PSD2: variants seen among roughly 807,000 people sequenced by gnomAD.
The protein encoded by PSD2 is pleckstrin and Sec7 domain containing 2, also known as PH and SEC7 domain-containing protein 2.
A neutral mutation model predicts 69.8 loss-of-function variants in PSD2; 38 were observed. The ratio of observed to expected loss-of-function variants is 0.54; its 90% CI spans 0.42 to 0.71. The LOEUF is 0.71. PSD2 is among the 30% of genes least tolerant of loss of function. The pLI is 0.00. For missense variants in PSD2, 943 were observed against 1,014.5 expected (o/e 0.93, Z 0.96); for synonymous variants, 412 against 423.0 (o/e 0.97, Z 0.32).
the PSD2 span, among the ~76,000 whole-genome samples, chr5:139,776,488 G>A: frequency 2.0e-4 from 30 of 152,274 alleles, 1 homozygote; most frequent in East Asian, 5.4e-3. Flanking sequence ...GTCCAGAAAC[G>A]GCTGGATGAC....
the PSD2 span, among the ~76,000 whole-genome samples, chr5:139,772,042 G>C: frequency 6.6e-6 from 1 of 152,274 alleles, no homozygotes; most frequent in Admixed American, 6.5e-5. Flanking sequence ...GCTCTTAGGG[G>C]ACAATGAGAG....
At chr5:139,752,947 C>T in the PSD2 span, among the ~76,000 whole-genome samples, 1 of 152,156 alleles carries the variant, frequency 6.6e-6, no homozygotes, top group South Asian at 2.1e-4. Flanking sequence ...GCCCCCTACC[C>T]CCCATAAAGC....
At chr5:139,774,132 T>C in the PSD2 span, among the ~76,000 whole-genome samples, 2 of 152,124 alleles carry the variant, frequency 1.3e-5, no homozygotes, top group African/African-American at 4.8e-5. Context: ...GTCTCGTTTT[T>C]TTTTTGATGT....
At chr5:139,792,737 TCTTTTTTC>T (rs1269695129), upstream of PSD2, among the ~76,000 whole-genome samples, 1 of 151,294 alleles carries the variant, frequency 6.6e-6, no homozygotes, top group African/African-American at 2.5e-5. Context: ...TTTCTCTCTT[TCTTTTTTC>T]TTTCTTTCTT....
chr5:139,796,808 G>T (rs908881435), intron 1 of PSD2, among the ~76,000 whole-genome samples: 1 of 152,216 alleles, frequency 6.6e-6, no homozygotes, highest in Non-Finnish European at 1.5e-5. Flanking sequence ...ATCTTGGGGG[G>T]GCCAGGAAGA....
Position 139,800,799 on chromosome 5 carries a change from T to C in PSD2, c.-51+4824T>C, listed in dbSNP as rs533810353. 2.3e-3 allele frequency among the ~76,000 whole-genome samples: 345 copies of C among 152,352 alleles called. 1 individual carries two copies. The highest frequency in any genetic ancestry group is 7.9e-3 in the African/African-American group (329 of 41,580). On this transcript the variant is annotated intron_variant, in intron 1 of 14. Transcript: ENST00000274710. ...CCACTTTTGCAGAGATCCTGGCCTC[T>C]TGTGTCTGCTTGAGAACATCACTCC...
At chr5:139,766,171 T>C in the PSD2 span, among the ~76,000 whole-genome samples, 1 of 152,130 alleles carries the variant, frequency 6.6e-6, no homozygotes, top group African/African-American at 2.4e-5. Flanking sequence ...GATGAAGGAC[T>C]AACAGATGGA....
At chr5:139,821,510 G>A (rs554263316) in intron 5 of PSD2, among the ~76,000 whole-genome samples, 1 of 152,316 alleles carries the variant, frequency 6.6e-6, no homozygotes, top group East Asian at 1.9e-4. Context: ...TGACTGAGGA[G>A]GAGCATTCTG....
chr5:139,831,154 A>T (rs1449235322), intron 7 of PSD2, among the ~76,000 whole-genome samples: 1 of 151,840 alleles, frequency 6.6e-6, no homozygotes, highest in Non-Finnish European at 1.5e-5. Flanking sequence ...TGGCAGATTG[A>T]CCCTTTTATC....
chr5:139,817,743 G>A (rs1042360611), intron 5 of PSD2, among the ~76,000 whole-genome samples, 182 bp downstream of exon 5: 9 of 152,212 alleles, frequency 5.9e-5, no homozygotes, highest in African/African-American at 2.2e-4. Flanking sequence ...TGCCCACTTT[G>A]TAGTAGCTGT....
the PSD2 span, among the ~76,000 whole-genome samples, chr5:139,781,878 C>A: frequency 6.6e-6 from 1 of 152,166 alleles, no homozygotes; most frequent in Admixed American, 6.5e-5. Flanking sequence ...AGGTGATCCG[C>A]CCACCTCGGC....
In PSD2 at chr5:139,837,307, G is replaced by A. The variant is rs1254125295; in HGVS notation, c.1665+69G>A. The A allele has an allele frequency of 1.5e-6, 2 of 1,351,982 alleles. No individual in the cohort carries two copies. The highest frequency in any genetic ancestry group is 3.2e-5 in the African/African-American group (1 of 31,026). The allele number at this position is 1,351,982 out of a possible 1,614,324, so 83.7% of individuals were successfully genotyped here. ...AGTCCCATCCCGCCCTGGCCTTGTGGCACCCCGAAGCCCCAGGCAGGACCT... is the reference window on the plus strand; with the variant it reads ...AGTCCCATCCCGCCCTGGCCTTGTGACACCCCGAAGCCCCAGGCAGGACCT... On this transcript the variant is annotated intron_variant, in intron 11 of 14. Coordinates refer to ENST00000274710, the MANE Select transcript of PSD2 (RefSeq NM_032289.4). This position sits in a 1 kb window ranked among gnomAD's most constrained non-coding sequence, Gnocchi z 5.0.
the PSD2 span, among the ~76,000 whole-genome samples, chr5:139,781,815 G>A: frequency 6.6e-6 from 1 of 151,998 alleles, no homozygotes; most frequent in African/African-American, 2.4e-5. Context: ...TGTATTTTTA[G>A]CAGAGATGGG....
At chr5:139,772,175 G>T in the PSD2 span, among the ~76,000 whole-genome samples, 1 of 152,136 alleles carries the variant, frequency 6.6e-6, no homozygotes, top group Non-Finnish European at 1.5e-5. Context: ...AGGAAAAAGC[G>T]TCCCCAGACT....
At chr5:139,796,205 G>A (rs1444077965) in intron 1 of PSD2, among the ~76,000 whole-genome samples, 1 of 152,216 alleles carries the variant, frequency 6.6e-6, no homozygotes, top group East Asian at 1.9e-4. Flanking sequence ...GCCCGGGCTG[G>A]CCGGGTCTGG....
intron 1 of PSD2, among the ~76,000 whole-genome samples, chr5:139,808,477 G>A (rs1171914761): frequency 6.6e-6 from 1 of 152,206 alleles, no homozygotes; most frequent in African/African-American, 2.4e-5. Context: ...GGCTGGCCTG[G>A]GCAGGCCAGT....
chr5:139,774,352 A>C, the PSD2 span, among the ~76,000 whole-genome samples: 2 of 152,122 alleles, frequency 1.3e-5, no homozygotes, highest in African/African-American at 4.8e-5. Context: ...AGTGCACAGG[A>C]CCTGAAGTGT....
Position 139,795,988 on chromosome 5 carries a change from G to A in PSD2, c.-51+13G>A, listed in dbSNP as rs1759514448. On this transcript the variant is annotated intron_variant, in intron 1 of 14. Transcript: ENST00000274710. This position sits in a 1 kb window ranked among gnomAD's most constrained non-coding sequence, Gnocchi z 4.5. ...GGGACCAGCAGCGGTGAGTGGGGCC[G>A]CGGGGCTCCGGGACCCGCCCCTCCC... 1 of 150,956 alleles carries A rather than the reference G, an allele frequency of 6.6e-6. No individual in the cohort carries two copies. Among genetic ancestry groups the A allele is most frequent in the African/African-American group, 2.4e-5 (1 of 41,280 alleles). 9.4% of individuals were successfully genotyped at this position (150,956 alleles called of 1,614,324 possible).
the PSD2 span, among the ~76,000 whole-genome samples, chr5:139,775,818 G>A: frequency 2.0e-5 from 3 of 152,184 alleles, no homozygotes; most frequent in East Asian, 5.8e-4. Context: ...ATAGGCATGC[G>A]CCACCACGCC....
Sources: gnomAD v4.1 joint callset for allele counts (sites outside exome capture counted in the v4.1 genomes callset) on GRCh38, gnomAD v4.1.1 for gene constraint, Gnocchi (gnomAD v3.1) non-coding constraint, MANE v1.5 for transcripts, NCBI Gene and HGNC (gene_info 2026-07-23, HGNC 2026-07-21) for gene names.